Variants in AGBL1 observed in about 807,000 individuals in gnomAD.
The protein encoded by AGBL1 is cytosolic carboxypeptidase 4.
AGBL1 carries 130 observed loss-of-function variants against 118.9 expected under a neutral mutation model. The observed-to-expected ratio is 1.09, with a 90% CI of 0.95 to 1.26. AGBL1 has a LOEUF of 1.26. AGBL1 is among the 50% of genes most tolerant of loss of function. The pLI, the probability that AGBL1 is intolerant of heterozygous loss-of-function variation, is 0.00. For synonymous variants in AGBL1, 555 were observed against 478.9 expected, an observed-to-expected ratio of 1.16 and a Z score of -2.08; for missense variants, 1,584 against 1,298.1, an observed-to-expected ratio of 1.22 and a Z score of -3.38.
chr15:86,867,190 A>G (rs2079644600), intron 22 of AGBL1, among the ~76,000 whole-genome samples: 1 of 152,186 alleles, frequency 6.6e-6, no homozygotes, highest in African/African-American at 2.4e-5. Flanking sequence ...TTTCACAATC[A>G]TAAATGGTAG....
chr15:86,469,784 G>A (rs1314256253), intron 18 of AGBL1, among the ~76,000 whole-genome samples: 2 of 152,096 alleles, frequency 1.3e-5, no homozygotes, highest in Admixed American at 6.6e-5. Flanking sequence ...CTGGTATGAG[G>A]TGATATCTCA....
At chr15:86,713,856 G>A (rs569454823) in intron 22 of AGBL1, among the ~76,000 whole-genome samples, 12 of 152,210 alleles carry the variant, frequency 7.9e-5, no homozygotes, top group East Asian at 1.9e-4. Flanking sequence ...GAGCTGTAAC[G>A]TAGACTTGGA....
At chr15:86,301,093 T>C (rs2079737168) in intron 17 of AGBL1, among the ~76,000 whole-genome samples, 1 of 152,168 alleles carries the variant, frequency 6.6e-6, no homozygotes, top group African/African-American at 2.4e-5. Context: ...GAGCTTTCCG[T>C]TGGGGAGAGC....
chr15:86,463,281 G>T (rs1352902530), intron 18 of AGBL1, among the ~76,000 whole-genome samples: 2 of 150,346 alleles, frequency 1.3e-5, no homozygotes, highest in Non-Finnish European at 3.0e-5. Context: ...ATTTGATGGG[G>T]TTGTTTGTTT....
intron 22 of AGBL1, among the ~76,000 whole-genome samples, chr15:86,737,291 T>G (rs1291332352): frequency 6.6e-6 from 1 of 152,100 alleles, no homozygotes; most frequent in Admixed American, 6.5e-5. Flanking sequence ...GGTGAAAGGA[T>G]TTTGCTGAGG....
At chr15:86,352,529 C>T (rs887132695) in intron 17 of AGBL1, among the ~76,000 whole-genome samples, 7 of 151,164 alleles carry the variant, frequency 4.6e-5, no homozygotes, top group African/African-American at 9.7e-5. Context: ...CAAGCTGGAG[C>T]GCATTACATT....
At chr15:86,792,496 G>C (rs751535908) in intron 22 of AGBL1, among the ~76,000 whole-genome samples, 1 of 152,178 alleles carries the variant, frequency 6.6e-6, no homozygotes, top group Non-Finnish European at 1.5e-5. Flanking sequence ...TTTTTATTGG[G>C]AGTTTCATAT....
chr15:86,126,513 A>T (rs1449172491), intron 1 of AGBL1, among the ~76,000 whole-genome samples: 1 of 152,214 alleles, frequency 6.6e-6, no homozygotes, highest in Admixed American at 6.5e-5. Flanking sequence ...TAGAGTCTAT[A>T]TGAATTGAAC....
intron 21 of AGBL1, among the ~76,000 whole-genome samples, chr15:86,554,952 T>C (rs911912363): frequency 7.9e-5 from 12 of 152,184 alleles, no homozygotes; most frequent in African/African-American, 1.7e-4. Context: ...CATATATCTA[T>C]TGTGTTTCCA....
rs1311082790 is a variant in AGBL1, at chr15:86,615,197, T to C, written c.2995-59076T>C. Among the ~76,000 whole-genome samples the C allele has an allele frequency of 6.6e-6, 1 of 152,214 alleles. No homozygotes were observed. Among genetic ancestry groups the C allele is most frequent in the African/African-American group, 2.4e-5 (1 of 41,454 alleles). On this transcript the variant is annotated intron_variant, in intron 21 of 22. Transcript: ENST00000614907. This position sits in a 1 kb window ranked among gnomAD's most constrained non-coding sequence, Gnocchi z 4.3. ...AGCAGATTTGCCTTCCAGATGCCTC[T>C]GCCAGCAATGCGGGAGATTAATTCT...
At chr15:86,685,632 T>C (rs1487360200) in intron 22 of AGBL1, among the ~76,000 whole-genome samples, 2 of 152,050 alleles carry the variant, frequency 1.3e-5, no homozygotes, top group Non-Finnish European at 2.9e-5. Context: ...TTAAAGCAAG[T>C]TTAGAAAGTC....
intron 9 of AGBL1, among the ~76,000 whole-genome samples, chr15:86,259,272 G>C (rs2078945835): frequency 6.6e-6 from 1 of 152,120 alleles, no homozygotes; most frequent in South Asian, 2.1e-4. Flanking sequence ...GAGGACTACT[G>C]CTCTAGAATA....
rs1404380528 is a variant in AGBL1 at position 86,662,150 on chromosome 15, A to AAAACT, written c.2995-12121_2995-12120insACTAA. The stretch of plus-strand genomic sequence containing the variant: ...TGGAAAAAGAGAAGCAAAACTAAGC[A>AAAACT]AAGATGAGTGGCATTTATATATCCA... On this transcript the variant is annotated intron_variant, in intron 21 of 22. Transcript: ENST00000614907. Among the ~76,000 whole-genome samples, 8 of 152,370 alleles carry AAAACT rather than the reference A, an allele frequency of 5.3e-5. No homozygotes were observed. The East Asian group carries it at 1.5e-3, about 29-fold the overall frequency.
At chr15:86,190,660 A>G (rs1253084848) in intron 5 of AGBL1, among the ~76,000 whole-genome samples, 2 of 152,204 alleles carry the variant, frequency 1.3e-5, no homozygotes, top group African/African-American at 4.8e-5. Flanking sequence ...GTGTAAAGAC[A>G]AACATAACTT....
At chr15:86,729,575 A>C (rs2077501291) in intron 22 of AGBL1, among the ~76,000 whole-genome samples, 1 of 152,184 alleles carries the variant, frequency 6.6e-6, no homozygotes, top group African/African-American at 2.4e-5. Context: ...AATGGCCTCC[A>C]GCTGTATCCA....
At chr15:86,714,686 C>T (rs2086611874) in intron 22 of AGBL1, among the ~76,000 whole-genome samples, 1 of 152,156 alleles carries the variant, frequency 6.6e-6, no homozygotes, top group South Asian at 2.1e-4. Flanking sequence ...AAGTCGTGAC[C>T]TTGTTGTCAA....
intron 22 of AGBL1, among the ~76,000 whole-genome samples, chr15:86,689,897 A>G (rs919425225): frequency 6.6e-6 from 1 of 152,182 alleles, no homozygotes; most frequent in African/African-American, 2.4e-5. Context: ...GGAAGAGTAC[A>G]CGGTTCTCTA....
intron 20 of AGBL1, among the ~76,000 whole-genome samples, chr15:86,552,841 A>C (rs2083682440): frequency 6.6e-6 from 1 of 152,104 alleles, no homozygotes; most frequent in Non-Finnish European, 1.5e-5. Flanking sequence ...TTAGCATTCT[A>C]TTTCCCTTTT....
chr15:86,130,681 G>A (rs2076807905), intron 1 of AGBL1, among the ~76,000 whole-genome samples: 1 of 152,078 alleles, frequency 6.6e-6, no homozygotes, highest in Non-Finnish European at 1.5e-5. Context: ...TCACTGTCAT[G>A]CATTCCAAAT....
Sources: gnomAD v4.1 joint callset for allele counts (sites outside exome capture counted in the v4.1 genomes callset) on GRCh38, gnomAD v4.1.1 for gene constraint, Gnocchi (gnomAD v3.1) non-coding constraint, MANE v1.5 for transcripts, NCBI Gene and HGNC (gene_info 2026-07-23, HGNC 2026-07-21) for gene names.